The following PDIA6 variants were observed in gnomAD, a reference collection of about 807,000 sequenced individuals.
The protein encoded by PDIA6 is protein disulfide isomerase family A member 6, also known as protein disulfide-isomerase A6.
Under a neutral mutation model 58.4 loss-of-function variants are expected in PDIA6, and 29 were observed. The ratio of observed to expected loss-of-function variants is 0.50; its 90% CI spans 0.37 to 0.68. PDIA6 has a LOEUF of 0.68. PDIA6 is among the 30% of genes least tolerant of loss of function. The pLI is 0.00. For missense variants in PDIA6, 480 were observed against 551.0 expected, an observed-to-expected ratio of 0.87 and a Z score of 1.29; for synonymous variants, 192 against 202.6, an observed-to-expected ratio of 0.95 and a Z score of 0.44.
At chr2:10,811,801 T>G (rs1487291609) in intron 1 of PDIA6, among the ~76,000 whole-genome samples, 1 of 152,230 alleles carries the variant, frequency 6.6e-6, no homozygotes, top group Non-Finnish European at 1.5e-5. Context: ...ATTTCGTTTT[T>G]AAGGAGTCCG....
intron 1 of PDIA6, among the ~76,000 whole-genome samples, chr2:10,808,257 G>C (rs909637764): frequency 1.3e-5 from 2 of 152,208 alleles, no homozygotes; most frequent in African/African-American, 4.8e-5. Flanking sequence ...ACATGTGGAA[G>C]GGGCCACACT....
At chr2:10,806,628 C>CAA (rs142782761) in intron 1 of PDIA6, among the ~76,000 whole-genome samples, 2,165 of 69,394 alleles carry the variant, frequency 0.031, 501 homozygotes, top group Non-Finnish European at 0.06. Context: ...AAAATAAAGA[C>CAA]AGAAAGAAAG....
intron 2 of PDIA6, among the ~76,000 whole-genome samples, chr2:10,817,843 T>A (rs1357100257): frequency 6.6e-6 from 1 of 152,238 alleles, no homozygotes; most frequent in East Asian, 1.9e-4. Flanking sequence ...GAGAAGATTC[T>A]ATAGTTTTAG....
Position 10,788,769 on chromosome 2 carries a change from C to T in PDIA6, c.926G>A (p.Gly309Glu). 1 of 1,611,088 alleles carries T rather than the reference C, an allele frequency of 6.2e-7. No homozygotes were observed. The highest frequency in any genetic ancestry group is 8.5e-7 in the Non-Finnish European group (1 of 1,177,254). ...VAVLPHILDT[G>E]AAGRNSYLEV... ...CAGATAAGAATTTCTGCCTGCAGCT[C>T]CTGATTTAAATAGACAAAGTTTTTT... Residue 309 changes from glycine (G) to glutamate (E), a missense_variant and splice_region_variant, in exon 10 of 13, where the codon GGA becomes GAA. Physicochemically the swap from Gly to Glu is moderately conservative, Grantham distance 98 (BLOSUM62 -2). Coordinates refer to ENST00000272227, the MANE Select transcript of PDIA6 (RefSeq NM_005742.4).
At chr2:10,796,060 CTTTTT>C (rs78611007) in intron 4 of PDIA6, among the ~76,000 whole-genome samples, 2 of 144,096 alleles carry the variant, frequency 1.4e-5, no homozygotes, top group African/African-American at 5.5e-5. Context: ...TTTGTGATAT[CTTTTT>C]TTTTTTTTTT....
Position 10,827,617 on chromosome 2 carries a change from A to T in PDIA6, c.-48+4585T>A, listed in dbSNP as rs184170275. 1.8e-4 allele frequency among the ~76,000 whole-genome samples: 27 copies of T among 152,078 alleles called. No homozygotes were observed. In the East Asian group the frequency reaches 4.9e-3, roughly 27 times the overall value. ...GGTGAGCAGATCACTTGAGGCCAGG[A>T]GTTCAAGACCAGCCTGGCCAACATG... On this transcript the variant is annotated intron_variant, in intron 1 of 13. Transcript: ENST00000381611.
chr2:10,832,789 G>A (rs374562439), upstream of PDIA6, among the ~76,000 whole-genome samples: 1 of 152,220 alleles, frequency 6.6e-6, no homozygotes, highest in South Asian at 2.1e-4. Flanking sequence ...GAGGGGAGGG[G>A]CAGCTGGCTT....
chr2:10,793,492 G>A (rs560946668), intron 4 of PDIA6, among the ~76,000 whole-genome samples: 15 of 152,232 alleles, frequency 9.9e-5, no homozygotes, highest in Non-Finnish European at 1.9e-4. Flanking sequence ...TCAGGTCACT[G>A]CAACCTCCGC....
intron 1 of PDIA6, among the ~76,000 whole-genome samples, chr2:10,809,668 A>AAAAAAAAC (rs1558454605): frequency 7.7e-6 from 1 of 130,210 alleles, no homozygotes; most frequent in African/African-American, 2.7e-5. Flanking sequence ...AAAAAAAAAA[A>AAAAAAAAC]AAAACCCAAA....
intron 2 of PDIA6, among the ~76,000 whole-genome samples, chr2:10,798,113 G>T (rs928590077): frequency 9.2e-5 from 14 of 152,218 alleles, no homozygotes; most frequent in African/African-American, 3.4e-4. Flanking sequence ...GTGAACCCAG[G>T]AGGCAGAGGT....
intron 2 of PDIA6, among the ~76,000 whole-genome samples, chr2:10,798,335 A>G (rs1666357890): frequency 6.6e-6 from 1 of 152,164 alleles, no homozygotes; most frequent in African/African-American, 2.4e-5. Context: ...TTGGGAGGCC[A>G]AGGCAGGCAG....
chr2:10,802,925 T>C lies in PDIA6; in HGVS notation c.20-285A>G, dbSNP rs114119828. Among the ~76,000 whole-genome samples, 266 of 152,332 alleles carry C rather than the reference T, an allele frequency of 1.7e-3. 1 individual carries two copies. The highest frequency in any genetic ancestry group is 3.1e-3 in the Non-Finnish European group (212 of 68,014). Reference sequence around the variant, plus strand: ...TAGTGGCTTTCATGTATCAACGTCTTTGTTCTTTACAACCGCTCCATGAGG... The same window carrying C: ...TAGTGGCTTTCATGTATCAACGTCTCTGTTCTTTACAACCGCTCCATGAGG... On this transcript the variant is annotated intron_variant, in intron 1 of 12. Coordinates refer to ENST00000272227, the MANE Select transcript of PDIA6 (RefSeq NM_005742.4).
chr2:10,809,510 T>C (rs12618817), intron 1 of PDIA6, among the ~76,000 whole-genome samples: 73,921 of 151,554 alleles, frequency 0.49, 19,562 homozygotes, highest in South Asian at 0.58. Flanking sequence ...ACTCCATCTC[T>C]TGTAGAGAAA....
rs1665821946 is a variant in PDIA6 at position 10,787,439 on chromosome 2, C to T, written c.999G>A (p.Gly333=). Residue 333 remains glycine (G), a splice_region_variant and synonymous_variant, in exon 11 of 13, where the codon GGG becomes GGA. Coordinates refer to ENST00000272227, the MANE Select transcript of PDIA6 (RefSeq NM_005742.4). ...GGGCTCCAGCTTCTGTCCACAGCCA[C>T]CTAGAAAACCAGACTGGTTTTTAGG... ...LADKYKKKMW[G]WLWTEAGAQS... is the part of the protein sequence containing the mutation. 6.2e-7 allele frequency: 1 copy of T among 1,608,194 alleles called. No individual in the cohort carries two copies. The highest frequency in any genetic ancestry group is 1.7e-5 in the Admixed American group (1 of 59,026).
chr2:10,827,843 T>G (rs1667592824), intron 1 of PDIA6, among the ~76,000 whole-genome samples: 1 of 152,066 alleles, frequency 6.6e-6, no homozygotes, highest in Non-Finnish European at 1.5e-5. Context: ...AAAATTTTTT[T>G]TTTCTTGCAA....
At chr2:10,791,310 A>T (rs1231987495) in intron 6 of PDIA6, among the ~76,000 whole-genome samples, 4 of 148,294 alleles carry the variant, frequency 2.7e-5, no homozygotes, top group Non-Finnish European at 6.0e-5. Flanking sequence ...CACCCAGCCA[A>T]TTTTTTTGTA....
intron 1 of PDIA6, among the ~76,000 whole-genome samples, chr2:10,803,237 A>C (rs112860098): frequency 0.14 from 21,717 of 152,222 alleles, 1,992 homozygotes; most frequent in Non-Finnish European, 0.21. Flanking sequence ...GGCTCACCAC[A>C]ACCTCCGCCT....
chr2:10,809,629 G>A (rs544674753), intron 1 of PDIA6, among the ~76,000 whole-genome samples: 53 of 109,502 alleles, frequency 4.8e-4, no homozygotes, highest in African/African-American at 1.7e-3. Flanking sequence ...CTGGGAGGCA[G>A]AGCAAGACCC....
At chr2:10,837,337 T>C (rs1454381576), upstream of PDIA6, among the ~76,000 whole-genome samples, 1 of 152,116 alleles carries the variant, frequency 6.6e-6, no homozygotes, top group African/African-American at 2.4e-5. Flanking sequence ...AAACACAGCA[T>C]TTAGTTCCCT....
Sources: allele counts gnomAD v4.1 joint callset (sites outside exome capture counted in the v4.1 genomes callset), GRCh38; gene constraint gnomAD v4.1.1; transcripts MANE v1.5; gene names NCBI Gene and HGNC (gene_info 2026-07-23, HGNC 2026-07-21).